The following GRM7 variants were observed in gnomAD, a reference collection of about 807,000 sequenced individuals.
GRM7 encodes glutamate metabotropic receptor 7.
A neutral mutation model predicts 84.5 loss-of-function variants in GRM7; 35 were observed. That is an observed-to-expected ratio of 0.41 (90% CI 0.32 to 0.55). The LOEUF (loss-of-function observed/expected upper bound fraction) is 0.55, where lower values mean the gene tolerates loss of function less well. GRM7 is among the 20% of genes least tolerant of loss of function. The pLI, the probability that GRM7 is intolerant of heterozygous loss-of-function variation, is 0.19. For synonymous variants in GRM7, 487 were observed against 455.1 expected (o/e 1.07, Z -0.89); for missense variants, 1,003 against 1,194.6 (o/e 0.84, Z 2.36).
chr3:7,500,151 C>A (rs990989452), intron 7 of GRM7, among the ~76,000 whole-genome samples: 1 of 152,194 alleles, frequency 6.6e-6, no homozygotes, highest in Non-Finnish European at 1.5e-5. Flanking sequence ...TTTGTTTTGA[C>A]ATACCAGGTT....
chr3:7,670,496 A>T (rs1699872751), intron 8 of GRM7, among the ~76,000 whole-genome samples: 1 of 152,208 alleles, frequency 6.6e-6, no homozygotes, highest in Non-Finnish European at 1.5e-5. Flanking sequence ...TGTCGATGAC[A>T]CTGTTGGATC....
intron 4 of GRM7, among the ~76,000 whole-genome samples, chr3:7,363,217 C>T (rs1693744335): frequency 6.6e-6 from 1 of 151,598 alleles, no homozygotes; most frequent in Admixed American, 6.6e-5. Flanking sequence ...ATGTATCACT[C>T]AGAATTTTTG....
chr3:7,229,014 A>G (rs1474926736), intron 2 of GRM7, among the ~76,000 whole-genome samples: 2 of 152,210 alleles, frequency 1.3e-5, no homozygotes, highest in Non-Finnish European at 2.9e-5. Flanking sequence ...TCAAAACCTC[A>G]TATTATCACA....
At chr3:7,345,514 C>T (rs1010539068) in intron 4 of GRM7, among the ~76,000 whole-genome samples, 6 of 151,958 alleles carry the variant, frequency 3.9e-5, no homozygotes, top group Admixed American at 6.6e-5. Flanking sequence ...GAACTCCTGA[C>T]GTCAAGTGAT....
chr3:7,625,508 A>G (rs79886869), intron 8 of GRM7, among the ~76,000 whole-genome samples: 20,055 of 152,092 alleles, frequency 0.13, 1,532 homozygotes, highest in Non-Finnish European at 0.17. Context: ...TCATGAGTCA[A>G]AAAACAGGGA....
rs530855887 is a variant in GRM7 at position 7,374,061 on chromosome 3, C to T, written c.1034-40962C>T. 4.6e-5 allele frequency among the ~76,000 whole-genome samples: 7 copies of T among 152,136 alleles called. No homozygotes were observed. In the South Asian group the frequency reaches 6.2e-4, roughly 14 times the overall value. ...GAAATCCAACCTCTCCCATTATGATCGCTGGGATCTTAGCTTTGTTAGACA... is the reference window on the plus strand; with the variant it reads ...GAAATCCAACCTCTCCCATTATGATTGCTGGGATCTTAGCTTTGTTAGACA... On this transcript the variant is annotated intron_variant, in intron 4 of 9. Coordinates refer to ENST00000357716, the MANE Select transcript of GRM7 (RefSeq NM_000844.4).
chr3:7,198,155 T>TA (rs55839391), intron 2 of GRM7, among the ~76,000 whole-genome samples: 44,234 of 137,508 alleles, frequency 0.32, 6,698 homozygotes, highest in Middle Eastern at 0.39. Flanking sequence ...GATAAAATGT[T>TA]AAAAAAAAAA....
intron 1 of GRM7, among the ~76,000 whole-genome samples, chr3:7,106,190 T>C (rs1692629986): frequency 6.6e-6 from 1 of 152,030 alleles, no homozygotes; most frequent in African/African-American, 2.4e-5. Context: ...GATATTTTCT[T>C]TAAAACAGAA....
chr3:7,509,132 T>C (rs1167505060), intron 7 of GRM7, among the ~76,000 whole-genome samples: 1 of 152,098 alleles, frequency 6.6e-6, no homozygotes, highest in Non-Finnish European at 1.5e-5. Flanking sequence ...TACCCACCCA[T>C]TCATCACTTA....
chr3:7,571,036 G>A (rs867309218), intron 7 of GRM7, among the ~76,000 whole-genome samples: 1 of 152,158 alleles, frequency 6.6e-6, no homozygotes, highest in South Asian at 2.1e-4. Flanking sequence ...GAAAAGCTGG[G>A]ACCGCAGTGC....
At chr3:7,683,280 G>A (rs996072744) in intron 9 of GRM7, among the ~76,000 whole-genome samples, 5 of 152,150 alleles carry the variant, frequency 3.3e-5, no homozygotes, top group African/African-American at 9.7e-5. Context: ...TTTAAAAATT[G>A]TATTCCAATG....
intron 5 of GRM7, among the ~76,000 whole-genome samples, chr3:7,415,608 A>G (rs1241625294): frequency 6.6e-6 from 1 of 152,194 alleles, no homozygotes; most frequent in Non-Finnish European, 1.5e-5. Context: ...GTCTAAGTTA[A>G]TGAGTTACCT....
At position 7,111,664 on chromosome 3, in the gene GRM7, C is replaced by A. The variant is rs111277515; in HGVS notation, c.520-34788C>A. 7.7e-3 allele frequency among the ~76,000 whole-genome samples: 1,176 copies of A among 152,144 alleles called. 12 individuals carry two copies. Among genetic ancestry groups the A allele is most frequent in the African/African-American group, 0.027 (1,130 of 41,552 alleles). On this transcript the variant is annotated intron_variant, in intron 1 of 9. Coordinates refer to ENST00000357716, the MANE Select transcript of GRM7 (RefSeq NM_000844.4). ...GGATAGACTCATTATTTGATTATTG[C>A]CGTTTGTTTTCAACTGCATTTTCTT...
At chr3:7,267,060 G>A (rs538307979) in intron 2 of GRM7, among the ~76,000 whole-genome samples, 2 of 152,124 alleles carry the variant, frequency 1.3e-5, no homozygotes, top group Non-Finnish European at 2.9e-5. Context: ...ATGTTGTTTT[G>A]AAGAAACTTA....
chr3:6,910,138 T>A (rs374498009), intron 1 of GRM7, among the ~76,000 whole-genome samples: 3 of 152,222 alleles, frequency 2.0e-5, no homozygotes, highest in African/African-American at 7.2e-5. Flanking sequence ...AAGTAGTATG[T>A]GAAAATTAAT....
chr3:7,561,563 C>T lies in GRM7; in HGVS notation c.1516-16859C>T, dbSNP rs1189249761. On this transcript the variant is annotated intron_variant, in intron 7 of 9. Coordinates refer to ENST00000357716, the MANE Select transcript of GRM7 (RefSeq NM_000844.4). ...AAAGTCCTTCCAGGACATCGTAGTACCCTTAGTAGTGTAAGCATATTTTTG... is the reference window on the plus strand; with the variant it reads ...AAAGTCCTTCCAGGACATCGTAGTATCCTTAGTAGTGTAAGCATATTTTTG... The T allele has an allele frequency of 1.5e-5, 7 of 456,338 alleles. No individual in the cohort carries two copies. In the Admixed American group the frequency reaches 1.6e-4, roughly 11 times the overall value. The allele number at this position is 456,338 out of a possible 1,614,324, so 28.3% of individuals were successfully genotyped here.
At chr3:7,063,320 C>T (rs1697499447) in intron 1 of GRM7, among the ~76,000 whole-genome samples, 1 of 151,686 alleles carries the variant, frequency 6.6e-6, no homozygotes, top group South Asian at 2.1e-4. Context: ...TTCATTTTCA[C>T]TCTGTGTAGA....
chr3:7,189,170 G>A (rs1479958818), intron 2 of GRM7, among the ~76,000 whole-genome samples: 7 of 152,136 alleles, frequency 4.6e-5, no homozygotes, highest in Non-Finnish European at 1.0e-4. Context: ...ATGTATATAT[G>A]TGGACATGTA....
chr3:7,543,315 G>A (rs1218685582), intron 7 of GRM7, among the ~76,000 whole-genome samples: 2 of 152,214 alleles, frequency 1.3e-5, no homozygotes, highest in South Asian at 4.1e-4. Context: ...AAATTAGGAG[G>A]AGGTGAAGTA....
Sources: allele counts gnomAD v4.1 joint callset (sites outside exome capture counted in the v4.1 genomes callset), GRCh38; gene constraint gnomAD v4.1.1; transcripts MANE v1.5; gene names NCBI Gene and HGNC (gene_info 2026-07-23, HGNC 2026-07-21).